The following NR1D2 variants were observed in gnomAD, a reference collection of about 807,000 sequenced individuals.
NR1D2 encodes V-erbA-related protein 1-related.
A neutral mutation model predicts 52.2 loss-of-function variants in NR1D2; 25 were observed. That is an observed-to-expected ratio of 0.48 (90% CI 0.35 to 0.67). The LOEUF (loss-of-function observed/expected upper bound fraction) is 0.67. Among genes scored for constraint, NR1D2 ranks in the 30% least tolerant of loss-of-function variants. The probability of loss-of-function intolerance (pLI) is 0.01; values close to 1 mark genes in which losing one functional copy is unlikely to be tolerated. For missense variants in NR1D2, 681 were observed against 707.2 expected (o/e 0.96, Z 0.42); for synonymous variants, 259 against 230.1 (o/e 1.13, Z -1.14).
chr3:23,974,445 A>G (rs1706673696), intron 7 of NR1D2, among the ~76,000 whole-genome samples: 1 of 152,128 alleles, frequency 6.6e-6, no homozygotes, highest in Non-Finnish European at 1.5e-5. Flanking sequence ...CCACCCTTTT[A>G]TATGTGGTCT....
At chr3:23,957,390 C>CTTTTTTTTTTT (rs201651739) in intron 3 of NR1D2, among the ~76,000 whole-genome samples, 1 of 110,560 alleles carries the variant, frequency 9.0e-6, no homozygotes, top group African/African-American at 3.6e-5. Flanking sequence ...CTCTATATAT[C>CTTTTTTTTTTT]TTTTTTTTTT....
chr3:23,959,846 A>G (rs1369859756), intron 4 of NR1D2, 31 bp downstream of exon 4: 1 of 1,591,040 alleles, frequency 6.3e-7, no homozygotes, highest in South Asian at 1.2e-5. Flanking sequence ...GTGTTCCTAA[A>G]GTGTATGGAG....
chr3:23,965,797 T>TA (rs1332066607), intron 6 of NR1D2, among the ~76,000 whole-genome samples: 1 of 152,216 alleles, frequency 6.6e-6, no homozygotes, highest in Non-Finnish European at 1.5e-5. Flanking sequence ...TCTGCAGTGT[T>TA]AGACACCTCC....
chr3:23,947,256 A>G (rs1441739887), intron 1 of NR1D2, among the ~76,000 whole-genome samples: 6 of 152,186 alleles, frequency 3.9e-5, no homozygotes, highest in African/African-American at 1.4e-4. Flanking sequence ...TCAATTAGGA[A>G]GTTTTTCTCT....
chr3:23,946,095 C>A (rs1461403798), intron 1 of NR1D2: 1 of 984,632 alleles, frequency 1.0e-6, no homozygotes, highest in South Asian at 4.7e-5. Context: ...CTTTGGAAGC[C>A]TCGGGGCAGT....
chr3:23,966,853 A>C (rs962197265), intron 6 of NR1D2, among the ~76,000 whole-genome samples: 1 of 152,028 alleles, frequency 6.6e-6, no homozygotes, highest in African/African-American at 2.4e-5. Context: ...AACATGGTGA[A>C]ACCCTGTCTC....
intron 1 of NR1D2, among the ~76,000 whole-genome samples, chr3:23,949,524 C>G (rs369437614): frequency 6.6e-6 from 1 of 152,178 alleles, no homozygotes; most frequent in Non-Finnish European, 1.5e-5. Context: ...GTATGATCCT[C>G]AGCAGTCACA....
At chr3:23,948,066 G>A (rs536804185) in intron 1 of NR1D2, among the ~76,000 whole-genome samples, 1 of 151,002 alleles carries the variant, frequency 6.6e-6, no homozygotes, top group Non-Finnish European at 1.5e-5. Context: ...GCAGTGAGCC[G>A]ACATCGCGCT....
chr3:23,965,406 T>C (rs1706415146), intron 6 of NR1D2, among the ~76,000 whole-genome samples: 1 of 148,638 alleles, frequency 6.7e-6, no homozygotes, highest in African/African-American at 2.5e-5. Flanking sequence ...GCCCGGCTAA[T>C]TTTTTTTGTT....
intron 5 of NR1D2, 24 bp from the exon 6 acceptor site, chr3:23,964,953 G>T (rs367890739): frequency 6.6e-7 from 1 of 1,518,482 alleles, no homozygotes; most frequent in African/African-American, 1.4e-5. Flanking sequence ...GTATTTAAGA[G>T]TTTTTCCGTT....
Position 23,978,333 on chromosome 3 carries a change from C to G in NR1D2, c.*914C>G, listed in dbSNP as rs1009836061. On this transcript the variant is annotated 3_prime_UTR_variant, in exon 8 of 8. Transcript: ENST00000312521. ...CTTAAAACAAGAGGTGTCAAAAGAC[C>G]CAAATTAGGTGCATTTTACTTGTTT... is the stretch of plus-strand genomic sequence containing the variant. The G allele has an allele frequency of 3.9e-5, 6 of 151,946 alleles. No individual in the cohort carries two copies. The highest frequency in any genetic ancestry group is 4.2e-4 in the South Asian group (2 of 4,800). 9.4% of individuals were successfully genotyped at this position (151,946 alleles called of 1,614,324 possible).
chr3:23,974,584 T>C (rs970489061), intron 7 of NR1D2, among the ~76,000 whole-genome samples: 1 of 152,154 alleles, frequency 6.6e-6, no homozygotes, highest in Admixed American at 6.6e-5. Context: ...CCAGTACATA[T>C]GTTTAATAAA....
chr3:23,962,288 G>T lies in NR1D2; in HGVS notation c.829G>T (p.Glu277Ter). 1 of 1,614,220 alleles carries T rather than the reference G, an allele frequency of 6.2e-7. No homozygotes were observed. The highest frequency in any genetic ancestry group is 1.1e-5 in the South Asian group (1 of 91,078). The change falls in exon 5 of 8, where the codon GAG (glutamate) becomes TAG (stop). Residue 277 changes from glutamate (E) to a stop codon, truncating the protein, a stop_gained. Coordinates refer to ENST00000312521, the MANE Select transcript of NR1D2 (RefSeq NM_005126.5). LOFTEE classifies it high-confidence loss of function. ...YNQEQQENSA[E>*]SMQPQRGERI... ...TCAAGAGCAGCAAGAAAACTCAGCT[G>T]AGAGCATGCAGCCCCAGAGAGGAGA...
Position 23,978,141 on chromosome 3 carries a change from T to C in NR1D2, c.*722T>C, listed in dbSNP as rs1706784706. The C allele has an allele frequency of 6.6e-6, 1 of 152,230 alleles. No homozygotes were observed. The highest frequency in any genetic ancestry group is 2.1e-4 in the South Asian group (1 of 4,828). The allele number at this position is 152,230 out of a possible 1,614,324, so 9.4% of individuals were successfully genotyped here. A position where few individuals can be genotyped will look rare whatever the true frequency, so the allele number is the denominator to read the frequency against. ...TCATTTCAGTCCACACCAACCATAT[T>C]ATTCAGGGTTCCTGCCATATGTGTG... On this transcript the variant is annotated 3_prime_UTR_variant, in exon 8 of 8. Coordinates refer to ENST00000312521, the MANE Select transcript of NR1D2 (RefSeq NM_005126.5).
At chr3:23,973,521 A>G (rs987639291) in intron 7 of NR1D2, among the ~76,000 whole-genome samples, 1 of 152,340 alleles carries the variant, frequency 6.6e-6, no homozygotes, top group African/African-American at 2.4e-5. Context: ...GGCATTTACC[A>G]TGAATGCAGC....
chr3:23,945,495 G>GGGCGGCGCGGCGCTGAGGC lies in NR1D2; in HGVS notation c.-76_-58dup, dbSNP rs1705630913. On this transcript the variant is annotated 5_prime_UTR_variant, in exon 1 of 8. Transcript: ENST00000312521. ...CGCGACCACCGCTGCTTCCAGCCCG[G>GGGCGGCGCGGCGCTGAGGC]GGCGGCGCGGCGCTGAGGCGGCGGC... 5 of 873,488 alleles carry GGGCGGCGCGGCGCTGAGGC rather than the reference G, an allele frequency of 5.7e-6. No individual in the cohort carries two copies. The highest frequency in any genetic ancestry group is 7.1e-6 in the Non-Finnish European group (5 of 703,738). The allele number at this position is 873,488 out of a possible 1,614,324, so 54.1% of individuals were successfully genotyped here.
At chr3:23,963,568 A>C (rs571468659) in intron 5 of NR1D2, 1 of 173,952 alleles carries the variant, frequency 5.7e-6, no homozygotes, top group Non-Finnish European at 1.1e-5. Context: ...TCATGCCTCA[A>C]CCTCCCAAGT....
chr3:23,947,763 C>G lies in NR1D2; in HGVS notation c.16+2169C>G, dbSNP rs77605932. Among the ~76,000 whole-genome samples, 868 of 152,286 alleles carry G rather than the reference C, an allele frequency of 5.7e-3. 5 individuals carry two copies. The highest frequency in any genetic ancestry group is 6.9e-3 in the Non-Finnish European group (467 of 68,022). ...GCCTTAAGTTCAAAGCTGTTACAAG[C>G]TGTTACCCACCATGTTTACAGTTTC... On this transcript the variant is annotated intron_variant, in intron 1 of 7. Transcript: ENST00000312521.
chr3:23,958,458 A>C (rs56106226), intron 3 of NR1D2, among the ~76,000 whole-genome samples: 1,901 of 152,126 alleles, frequency 0.012, 47 homozygotes, highest in African/African-American at 0.044. Flanking sequence ...CCACCTGGGC[A>C]ACATAGGGAG....
Sources: allele counts gnomAD v4.1 joint callset (sites outside exome capture counted in the v4.1 genomes callset), GRCh38; gene constraint gnomAD v4.1.1; transcripts MANE v1.5; gene names NCBI Gene and HGNC (gene_info 2026-07-23, HGNC 2026-07-21).